The following UBAP1L variants were observed in gnomAD, a reference collection of about 807,000 sequenced individuals.
UBAP1L encodes ubiquitin associated protein 1 like.
Under a neutral mutation model 32.1 loss-of-function variants are expected in UBAP1L, and 32 were observed. The observed-to-expected ratio is 1.00, with a 90% CI of 0.75 to 1.34. The LOEUF is 1.34. Ranked by LOEUF, UBAP1L falls within the 40% of genes most tolerant of loss-of-function variation. The probability of loss-of-function intolerance (pLI) is 0.00; values close to 1 mark genes in which losing one functional copy is unlikely to be tolerated. For synonymous variants in UBAP1L, 243 were observed against 250.2 expected (o/e 0.97, Z 0.27); for missense variants, 516 against 540.5 (o/e 0.95, Z 0.45).
In UBAP1L at chr15:65,102,138, G is replaced by T; in HGVS notation, c.667C>A (p.Pro223Thr). Reference sequence around the variant, plus strand: ...GTAGGCTTGTGGCTCCGCAGCGGGGGGATGGCGCCTGCCGTGGAGGGCCGC... The same window carrying T: ...GTAGGCTTGTGGCTCCGCAGCGGGGTGATGGCGCCTGCCGTGGAGGGCCGC... ...PPRPSTAGAI[P>T]PLRSHKPTVA... Residue 223 changes from proline (P) to threonine (T), a missense_variant, in exon 3 of 6, where the codon CCC becomes ACC. Transcript: ENST00000559089. The surrounding 1 kb of genome is among the most constrained non-coding windows in gnomAD (Gnocchi z 5.0). 8.3e-7 allele frequency: 1 copy of T among 1,209,762 alleles called. No individual in the cohort carries two copies. Among genetic ancestry groups the T allele is most frequent in the South Asian group, 4.1e-5 (1 of 24,250 alleles). The allele number at this position is 1,209,762 out of a possible 1,614,324, so 74.9% of individuals were successfully genotyped here.
At chr15:65,109,147 ACT>A (rs1457573233) in intron 1 of UBAP1L, among the ~76,000 whole-genome samples, 1 of 137,354 alleles carries the variant, frequency 7.3e-6, no homozygotes, top group African/African-American at 2.8e-5. Flanking sequence ...ACAGAGCGAG[ACT>A]CTGTCTCAAA....
chr15:65,105,780 T>C, intron 2 of UBAP1L: 1 of 700,006 alleles, frequency 1.4e-6, no homozygotes, highest in South Asian at 1.4e-5. Flanking sequence ...AGAAGGTCGG[T>C]GGCCCAAAAA....
Position 65,093,089 on chromosome 15 carries a change from C to T in UBAP1L, c.*8G>A. ...TAGATGCCCAGGCATCGTGGAGTGC[C>T]TCCGTGGTCACTGGGCACAGGCCAC... is the stretch of plus-strand genomic sequence containing the variant. On this transcript the variant is annotated 3_prime_UTR_variant, in exon 6 of 6. Coordinates refer to ENST00000559089, the MANE Select transcript of UBAP1L (RefSeq NM_001163692.2). 1.4e-5 allele frequency: 22 copies of T among 1,545,942 alleles called. No individual in the cohort carries two copies. Among genetic ancestry groups the T allele is most frequent in the Non-Finnish European group, 1.9e-5 (22 of 1,145,828 alleles).
In UBAP1L at chr15:65,102,511, C is replaced by T; in HGVS notation, c.294G>A (p.Glu98=). The change falls in exon 3 of 6, where the codon GAG becomes GAA. Residue 98 remains glutamate (E), a synonymous_variant. Coordinates refer to ENST00000559089, the MANE Select transcript of UBAP1L (RefSeq NM_001163692.2). This position sits in a 1 kb window ranked among gnomAD's most constrained non-coding sequence, Gnocchi z 5.0. ...APAPTTIRDP[E]AGHQERPEEE... ...CCTCCGGCCTCTCCTGGTGTCCGGCCTCCGGGTCTCTGATTGTGGTGGGCG... is the reference window on the plus strand; with the variant it reads ...CCTCCGGCCTCTCCTGGTGTCCGGCTTCCGGGTCTCTGATTGTGGTGGGCG... 6.8e-7 allele frequency: 1 copy of T among 1,478,566 alleles called. No individual in the cohort carries two copies. Among genetic ancestry groups the T allele is most frequent in the Non-Finnish European group, 9.0e-7 (1 of 1,113,528 alleles). The allele number at this position is 1,478,566 out of a possible 1,614,324, so 91.6% of individuals were successfully genotyped here.
chr15:65,092,940 C>T lies in UBAP1L; in HGVS notation c.*157G>A. On this transcript the variant is annotated 3_prime_UTR_variant, in exon 6 of 6. Transcript: ENST00000559089. ...ACTATTTCAACTCTTTCAGCAGATT[C>T]TGCTGCTGTTAACTGTCACCCTTGG... 1.9e-6 allele frequency: 2 copies of T among 1,049,824 alleles called. No individual in the cohort carries two copies. 65.0% of individuals were successfully genotyped at this position (1,049,824 alleles called of 1,614,324 possible). A position where few individuals can be genotyped will look rare whatever the true frequency, so the allele number is the denominator to read the frequency against.
chr15:65,109,337 G>A (rs1566969317), intron 1 of UBAP1L, among the ~76,000 whole-genome samples: 1 of 151,178 alleles, frequency 6.6e-6, no homozygotes, highest in Non-Finnish European at 1.5e-5. Flanking sequence ...CAAAAAATTA[G>A]CTGGGCATAG....
intron 4 of UBAP1L, chr15:65,097,026 A>T (rs1257379563): frequency 6.6e-6 from 1 of 152,144 alleles, no homozygotes; most frequent in Admixed American, 6.5e-5. Flanking sequence ...TTGGTGGGGG[A>T]GGATAGATGA....
chr15:65,101,481 A>C (rs2087238363), intron 3 of UBAP1L: 1 of 152,334 alleles, frequency 6.6e-6, no homozygotes, highest in African/African-American at 2.4e-5. Flanking sequence ...AGCCTATTGC[A>C]GCCCTGACGC....
chr15:65,102,702 C>T lies in UBAP1L; in HGVS notation c.121-18G>A, dbSNP rs1321425865. 2 of 1,542,472 alleles carry T rather than the reference C, an allele frequency of 1.3e-6. No individual in the cohort carries two copies. The highest frequency in any genetic ancestry group is 1.7e-6 in the Non-Finnish European group (2 of 1,146,052). On this transcript the variant is annotated intron_variant, in intron 2 of 5. Coordinates refer to ENST00000559089, the MANE Select transcript of UBAP1L (RefSeq NM_001163692.2). The surrounding 1 kb of genome is among the most constrained non-coding windows in gnomAD (Gnocchi z 5.0). ...AAGTCGTGCTGCGGAAAGAAGGCGA[C>T]GTAAAGCCCAGGGCAAACCAGGACC...
chr15:65,108,583 A>G (rs2087342782), intron 1 of UBAP1L, among the ~76,000 whole-genome samples: 1 of 151,868 alleles, frequency 6.6e-6, no homozygotes, highest in Admixed American at 6.6e-5. Flanking sequence ...CTATCTCTAC[A>G]AAAAATACAA....
intron 4 of UBAP1L, chr15:65,099,140 T>C (rs1441620284): frequency 4.7e-6 from 1 of 212,820 alleles, no homozygotes; most frequent in Non-Finnish European, 9.5e-6. Flanking sequence ...AGAACCTGCG[T>C]GTGGTAGACT....
chr15:65,114,437 T>C (rs1019485394), intron 1 of UBAP1L, among the ~76,000 whole-genome samples: 48 of 152,276 alleles, frequency 3.2e-4, no homozygotes, highest in African/African-American at 1.2e-3. Flanking sequence ...CTGTATTCTG[T>C]ATGAGGTTAG....
At chr15:65,111,618 G>A (rs1381450984) in intron 1 of UBAP1L, among the ~76,000 whole-genome samples, 4 of 152,042 alleles carry the variant, frequency 2.6e-5, no homozygotes, top group African/African-American at 9.7e-5. Flanking sequence ...CTGAGTAGCT[G>A]GGATTACAGG....
intron 1 of UBAP1L, among the ~76,000 whole-genome samples, chr15:65,107,293 C>T (rs1467457445): frequency 6.6e-6 from 1 of 150,640 alleles, no homozygotes; most frequent in Non-Finnish European, 1.5e-5. Flanking sequence ...CGAGATCATG[C>T]TGCTGCACTC....
intron 2 of UBAP1L, among the ~76,000 whole-genome samples, chr15:65,104,652 G>C (rs2087284686): frequency 6.6e-6 from 1 of 152,248 alleles, no homozygotes; most frequent in African/African-American, 2.4e-5. Context: ...GAGGCCGGAG[G>C]ATTGCTTGAG....
intron 3 of UBAP1L, 150 bp from the exon 4 acceptor site, chr15:65,099,864 C>T: frequency 3.1e-6 from 2 of 635,720 alleles, no homozygotes; most frequent in Non-Finnish European, 5.4e-6. Flanking sequence ...CAGACCCCAG[C>T]TCTCTAATGC....
At chr15:65,110,229 C>T (rs911537948) in intron 1 of UBAP1L, among the ~76,000 whole-genome samples, 2 of 151,246 alleles carry the variant, frequency 1.3e-5, no homozygotes, top group African/African-American at 4.9e-5. Flanking sequence ...CGTGGTGGTG[C>T]GTGCCTGTAG....
Position 65,106,130 on chromosome 15 carries a change from A to G in UBAP1L, c.86T>C (p.Val29Ala). The G allele has an allele frequency of 1.3e-6, 2 of 1,551,098 alleles. No individual in the cohort carries two copies. Among genetic ancestry groups the G allele is most frequent in the Non-Finnish European group, 1.7e-6 (2 of 1,146,844 alleles). ...CAGCAGAACTTCCCCGCAGGCCGGG[A>G]CGCTGAGTTCTGGCCCAGGGAGAGG... Reference protein sequence around the residue: ...TEPLPGPELSVPACGEVLLGS... With the variant: ...TEPLPGPELSAPACGEVLLGS... Residue 29 changes from valine to alanine, a missense_variant, in exon 2 of 6, where the codon GTC becomes GCC. By Grantham distance (64) the Val-to-Ala change is moderately conservative (BLOSUM62 0). Coordinates refer to ENST00000559089, the MANE Select transcript of UBAP1L (RefSeq NM_001163692.2).
chr15:65,103,479 C>A (rs1487393348), intron 2 of UBAP1L, among the ~76,000 whole-genome samples: 2 of 152,174 alleles, frequency 1.3e-5, no homozygotes, highest in Admixed American at 1.3e-4. Context: ...ACATAAGACT[C>A]CATCAAAAAT....
Sources: allele counts gnomAD v4.1 joint callset (sites outside exome capture counted in the v4.1 genomes callset), GRCh38; gene constraint gnomAD v4.1.1; non-coding constraint Gnocchi (gnomAD v3.1); transcripts MANE v1.5; gene names NCBI Gene and HGNC (gene_info 2026-07-23, HGNC 2026-07-21).